Variants in CCDC148 observed in about 807,000 individuals in gnomAD.
CCDC148 encodes the protein coiled-coil domain-containing protein 148.
Under a neutral mutation model 85.7 loss-of-function variants are expected in CCDC148, and 89 were observed. That is an observed-to-expected ratio of 1.04 (90% confidence interval 0.87 to 1.24). The LOEUF (loss-of-function observed/expected upper bound fraction) is 1.24. Among genes scored for constraint, CCDC148 ranks in the 50% most tolerant of loss-of-function variants. The pLI, the probability that CCDC148 is intolerant of heterozygous loss-of-function variation, is 0.00. For missense variants in CCDC148, 692 were observed against 671.7 expected (o/e 1.03, Z -0.33); for synonymous variants, 230 against 213.9 (o/e 1.08, Z -0.66).
intron 9 of CCDC148, chr2:158,288,767 A>G (rs1170381963): frequency 9.9e-6 from 4 of 403,110 alleles, no homozygotes; most frequent in Non-Finnish European, 2.0e-5. Context: ...TTTCAGCAAC[A>G]CTTCACTCTA....
At chr2:158,262,600 A>G (rs1233453574) in intron 9 of CCDC148, among the ~76,000 whole-genome samples, 1 of 152,012 alleles carries the variant, frequency 6.6e-6, no homozygotes, top group Admixed American at 6.6e-5. Flanking sequence ...ATGGCTAGGG[A>G]GGCCTCAGGA....
chr2:158,285,166 T>C (rs1355187287), intron 9 of CCDC148, among the ~76,000 whole-genome samples: 1 of 151,566 alleles, frequency 6.6e-6, no homozygotes, highest in East Asian at 1.9e-4. Flanking sequence ...TGGGTGCCTG[T>C]AATCCCAGCA....
At chr2:158,215,971 A>G (rs779109292) in intron 11 of CCDC148, among the ~76,000 whole-genome samples, 6 of 152,244 alleles carry the variant, frequency 3.9e-5, no homozygotes, top group Non-Finnish European at 4.4e-5. Flanking sequence ...CCATGCTGGC[A>G]CATTGATCTT....
chr2:158,260,271 T>C lies in CCDC148; in HGVS notation c.1111-9359A>G, dbSNP rs1366984868. 3.3e-5 allele frequency among the ~76,000 whole-genome samples: 5 copies of C among 152,146 alleles called. No homozygotes were observed. In the East Asian group the frequency reaches 9.7e-4, roughly 30 times the overall value. On this transcript the variant is annotated intron_variant, in intron 9 of 13. Transcript: ENST00000283233. The stretch of plus-strand genomic sequence containing the variant: ...ACTAAAGACAAAAACCACATGATTA[T>C]CTCAATAGATGCAGAAAAGGCTTTC...
At chr2:158,423,390 C>A (rs902843159) in intron 1 of CCDC148, among the ~76,000 whole-genome samples, 3 of 151,860 alleles carry the variant, frequency 2.0e-5, no homozygotes, top group Non-Finnish European at 2.9e-5. Context: ...GAGATATAGA[C>A]CAATGGAATA....
intron 1 of CCDC148, among the ~76,000 whole-genome samples, chr2:158,435,856 G>C (rs77939055): frequency 6.6e-6 from 1 of 152,002 alleles, no homozygotes; most frequent in African/African-American, 2.4e-5. Flanking sequence ...ACTTTGAACC[G>C]ACAAAGATCA....
At chr2:158,220,821 G>T (rs1687142601) in intron 10 of CCDC148, 108 bp from the exon 11 acceptor site, 1 of 787,952 alleles carries the variant, frequency 1.3e-6, no homozygotes, top group Admixed American at 2.8e-5. Context: ...GAATTTAAAG[G>T]GCACTTCATC....
intron 9 of CCDC148, among the ~76,000 whole-genome samples, chr2:158,269,717 C>T (rs946822539): frequency 6.6e-6 from 1 of 152,124 alleles, no homozygotes; most frequent in Non-Finnish European, 1.5e-5. Flanking sequence ...ATAGTGGTGA[C>T]CAACAAAATA....
intron 1 of CCDC148, among the ~76,000 whole-genome samples, chr2:158,367,726 T>A (rs1448463712): frequency 6.6e-6 from 1 of 152,204 alleles, no homozygotes; most frequent in Non-Finnish European, 1.5e-5. Context: ...TGGTTCCAAC[T>A]ATTTAGAAGA....
At chr2:158,302,093 G>A (rs954899290) in intron 9 of CCDC148, among the ~76,000 whole-genome samples, 2 of 152,136 alleles carry the variant, frequency 1.3e-5, no homozygotes, top group African/African-American at 4.8e-5. Context: ...AGTAGTTGGG[G>A]GGGTCACAGT....
At chr2:158,413,283 A>C (rs1686348299) in intron 1 of CCDC148, among the ~76,000 whole-genome samples, 2 of 152,058 alleles carry the variant, frequency 1.3e-5, no homozygotes, top group South Asian at 4.1e-4. Flanking sequence ...TCACAAAAGG[A>C]ATGTTTTTCT....
chr2:158,397,523 AAACTAAGTTTCATAAG>A (rs1685576778), intron 1 of CCDC148, among the ~76,000 whole-genome samples: 1 of 152,182 alleles, frequency 6.6e-6, no homozygotes, highest in African/African-American at 2.4e-5. Flanking sequence ...ATATCCAGCC[AAACTAAGTTTCATAAG>A]TGAAGGAGAA....
intron 10 of CCDC148, among the ~76,000 whole-genome samples, chr2:158,221,067 T>G (rs1306357042): frequency 2.6e-5 from 4 of 152,204 alleles, no homozygotes; most frequent in African/African-American, 9.6e-5. Context: ...TCAAGAATAT[T>G]TTTATCTTCT....
chr2:158,348,599 A>C (rs1045796917), intron 2 of CCDC148, among the ~76,000 whole-genome samples: 3 of 152,010 alleles, frequency 2.0e-5, no homozygotes, highest in Non-Finnish European at 2.9e-5. Flanking sequence ...GCTTTTTAAA[A>C]ATCTCTATTA....
At chr2:158,284,154 T>G (rs1423684019) in intron 9 of CCDC148, among the ~76,000 whole-genome samples, 1 of 148,296 alleles carries the variant, frequency 6.7e-6, no homozygotes, top group African/African-American at 2.5e-5. Context: ...AGGGATAGCA[T>G]TGGGAGATAT....
chr2:158,256,736 A>ACC (rs1689027190), intron 9 of CCDC148, among the ~76,000 whole-genome samples: 1 of 151,796 alleles, frequency 6.6e-6, no homozygotes. Flanking sequence ...TTCACACTTC[A>ACC]TCTGCCTAAC....
At chr2:158,176,976 A>T (rs1301685437) in intron 12 of CCDC148, among the ~76,000 whole-genome samples, 1 of 152,140 alleles carries the variant, frequency 6.6e-6, no homozygotes, top group Non-Finnish European at 1.5e-5. Context: ...TCTCATATAG[A>T]AAACCTTACA....
intron 11 of CCDC148, among the ~76,000 whole-genome samples, chr2:158,217,503 C>T (rs989688219): frequency 1.3e-5 from 2 of 151,608 alleles, no homozygotes; most frequent in South Asian, 4.2e-4. Flanking sequence ...CCTGGGTTCA[C>T]GCCATTCTCC....
intron 10 of CCDC148, among the ~76,000 whole-genome samples, chr2:158,231,480 T>A (rs143846549): frequency 6.6e-6 from 1 of 152,090 alleles, no homozygotes; most frequent in African/African-American, 2.4e-5. Context: ...ACCAATATAT[T>A]TGGGCATTTA....
Sources: allele counts gnomAD v4.1 joint callset (sites outside exome capture counted in the v4.1 genomes callset), GRCh38; gene constraint gnomAD v4.1.1; transcripts MANE v1.5; gene names NCBI Gene and HGNC (gene_info 2026-07-23, HGNC 2026-07-21).